CEP164: variants seen among roughly 807,000 people sequenced by gnomAD.
CEP164 encodes centrosomal protein 164.
A neutral mutation model predicts 182.7 loss-of-function variants in CEP164; 162 were observed. The ratio of observed to expected loss-of-function variants is 0.89; its 90% CI spans 0.78 to 1.01. CEP164 has a LOEUF of 1.01. Ranked by LOEUF, CEP164 falls within the 50% of genes least tolerant of loss-of-function variation. The pLI, the probability that CEP164 is intolerant of heterozygous loss-of-function variation, is 0.00. For missense variants in CEP164, 1,735 were observed against 1,790.4 expected, an observed-to-expected ratio of 0.97 and a Z score of 0.56; for synonymous variants, 661 against 690.0, an observed-to-expected ratio of 0.96 and a Z score of 0.66.
chr11:117,334,879 G>T (rs903409748), intron 1 of CEP164, among the ~76,000 whole-genome samples: 6 of 151,780 alleles, frequency 4.0e-5, no homozygotes, highest in African/African-American at 1.5e-4. Context: ...TCCTGTGCTT[G>T]CTGGAGATGG....
intron 8 of CEP164, among the ~76,000 whole-genome samples, chr11:117,368,151 G>A (rs886141120): frequency 2.0e-5 from 3 of 152,206 alleles, no homozygotes; most frequent in African/African-American, 7.2e-5. Context: ...AAGGAAATTA[G>A]CAAATACAAT....
intron 11 of CEP164, among the ~76,000 whole-genome samples, chr11:117,380,099 GTC>G (rs1034101423): frequency 6.6e-6 from 1 of 151,900 alleles, no homozygotes; most frequent in African/African-American, 2.4e-5. Flanking sequence ...TGGCACAGCT[GTC>G]TCTCTCATTC....
intron 26 of CEP164, 134 bp from the exon 27 acceptor site, chr11:117,396,957 A>G: frequency 2.6e-6 from 2 of 777,406 alleles, no homozygotes; most frequent in Admixed American, 2.8e-5. Flanking sequence ...GCATCCCTGC[A>G]CTCACAGTGC....
At chr11:117,398,358 C>T (rs542705115) in intron 27 of CEP164, among the ~76,000 whole-genome samples, 30 of 152,296 alleles carry the variant, frequency 2.0e-4, no homozygotes, top group Middle Eastern at 3.4e-3. Context: ...TGAGTATCTG[C>T]GGCTTTTTGA....
At chr11:117,337,510 T>TAAAAAAAAAAAAAAAAAAAAA (rs55864956) in intron 2 of CEP164, among the ~76,000 whole-genome samples, 1 of 128,882 alleles carries the variant, frequency 7.8e-6, no homozygotes, top group Non-Finnish European at 1.6e-5. Flanking sequence ...ACCATCTCTG[T>TAAAAAAAAAAAAAAAAAAAAA]AAAAAAAAAA....
chr11:117,326,812 T>A (rs1411404426), upstream of CEP164, among the ~76,000 whole-genome samples: 1 of 152,232 alleles, frequency 6.6e-6, no homozygotes, highest in Non-Finnish European at 1.5e-5. Flanking sequence ...CTCTATGAGC[T>A]TGGCCTCATC....
At chr11:117,392,403 A>T in intron 18 of CEP164, 93 bp from the exon 19 acceptor site, 1 of 1,558,488 alleles carries the variant, frequency 6.4e-7, no homozygotes, top group Non-Finnish European at 8.7e-7. Context: ...GCCCTGGGGG[A>T]TGGATGCCAG....
intron 5 of CEP164, chr11:117,356,549 G>A: frequency 2.3e-6 from 3 of 1,289,180 alleles, no homozygotes; most frequent in Non-Finnish European, 3.0e-6. Flanking sequence ...CCTCAGGCAG[G>A]GGCTAGTCCA....
chr11:117,407,218 G>A (rs1399763741), intron 27 of CEP164, among the ~76,000 whole-genome samples: 6 of 152,108 alleles, frequency 3.9e-5, no homozygotes, highest in African/African-American at 1.4e-4. Flanking sequence ...ACAGACAGAG[G>A]GGCAGCTTCC....
rs897836 is a variant in CEP164 at position 117,381,773 on chromosome 11, T to C, written c.1482T>C (p.Pro494=). ...PPRSLATEEE[P]PQGPEGQPEW... is the part of the protein sequence containing the mutation. ...GCAGCCTGGCCACTGAAGAAGAGCC[T>C]CCCCAGGGCCCCGAGGGGCAGCCCG... Residue 494 remains proline, a synonymous_variant, in exon 13 of 33, where the codon CCT becomes CCC. Coordinates refer to ENST00000278935, the MANE Select transcript of CEP164 (RefSeq NM_014956.5). 0.93 allele frequency: 1,486,265 copies of C among 1,600,984 alleles called. 690,587 individuals are homozygous for C. Among genetic ancestry groups the C allele is most frequent in the African/African-American group, 0.96 (71,390 of 74,748 alleles).
intron 18 of CEP164, 60 bp from the exon 19 acceptor site, chr11:117,392,436 C>T (rs556819841): frequency 1.3e-6 from 2 of 1,584,374 alleles, no homozygotes; most frequent in Admixed American, 3.4e-5. Context: ...CATCCCCACA[C>T]AGCAGCTGTA....
chr11:117,398,843 TGGGAG>T (rs2045824335), intron 27 of CEP164, among the ~76,000 whole-genome samples: 1 of 152,228 alleles, frequency 6.6e-6, no homozygotes, highest in African/African-American at 2.4e-5. Flanking sequence ...GGGTCTGTGA[TGGGAG>T]GGGCTGCCCA....
chr11:117,329,839 C>CTTTTTTTTTT (rs61429989), intron 1 of CEP164, among the ~76,000 whole-genome samples: 10 of 95,562 alleles, frequency 1.0e-4, no homozygotes, highest in African/African-American at 2.2e-4. Flanking sequence ...TGCGCCTGGC[C>CTTTTTTTTTT]TTTTTTTTTT....
At chr11:117,368,557 C>T (rs114355743) in intron 8 of CEP164, among the ~76,000 whole-genome samples, 1,617 of 152,246 alleles carry the variant, frequency 0.011, 39 homozygotes, top group African/African-American at 0.034. Context: ...AACTTCAAGC[C>T]GGGGGGAGCC....
At chr11:117,408,129 GGGCCTCTAGGGCCCA>G in intron 28 of CEP164, 97 bp downstream of exon 28, 1 of 807,552 alleles carries the variant, frequency 1.2e-6, no homozygotes. Flanking sequence ...CGGGGGAGTT[GGGCCTCTAGGGCCCA>G]GGATTGGGCA....
rs1328298794 is a variant in CEP164, at chr11:117,393,060, G to A, written c.2550G>A (p.Arg850=). ...RQEVEGEHER[R]LDKMKEEHQQ... Reference sequence around the variant, plus strand: ...AAGTGGAAGGGGAGCATGAGAGGAGGTTGGACAAGATGAAGGAGGAGCACC... The same window carrying A: ...AAGTGGAAGGGGAGCATGAGAGGAGATTGGACAAGATGAAGGAGGAGCACC... Residue 850 remains arginine (R), a synonymous_variant, in exon 20 of 33, where the codon AGG becomes AGA. Transcript: ENST00000278935. 2.5e-6 allele frequency: 4 copies of A among 1,613,836 alleles called. No individual in the cohort carries two copies. The highest frequency in any genetic ancestry group is 3.4e-6 in the Non-Finnish European group (4 of 1,179,950).
At chr11:117,389,004 TGATGATC>T (rs1170805727) in intron 15 of CEP164, among the ~76,000 whole-genome samples, 14 of 152,012 alleles carry the variant, frequency 9.2e-5, no homozygotes, top group Admixed American at 2.6e-4. Context: ...TCTCCTGACC[TGATGATC>T]CGCCTGCCTC....
intron 5 of CEP164, among the ~76,000 whole-genome samples, chr11:117,358,323 C>G (rs1207944958): frequency 1.3e-5 from 2 of 152,154 alleles, no homozygotes; most frequent in African/African-American, 4.8e-5. Context: ...CCTGGGAGAA[C>G]AAAGCCCTCA....
intron 1 of CEP164, among the ~76,000 whole-genome samples, chr11:117,329,383 T>A (rs1210214913): frequency 6.6e-6 from 1 of 152,188 alleles, no homozygotes; most frequent in East Asian, 1.9e-4. Context: ...AATATGCTCT[T>A]GCCTTTCATT....
Sources: allele counts gnomAD v4.1 joint callset (sites outside exome capture counted in the v4.1 genomes callset), GRCh38; gene constraint gnomAD v4.1.1; transcripts MANE v1.5; gene names NCBI Gene and HGNC (gene_info 2026-07-23, HGNC 2026-07-21).